FANCC: variants seen among roughly 807,000 people sequenced by gnomAD.
FANCC encodes FA complementation group C.
In FANCC, 55 loss-of-function variants were observed where a neutral mutation model predicts 71.3. The observed-to-expected ratio is 0.77, with a 90% CI of 0.62 to 0.97. The LOEUF is 0.97. FANCC is among the 50% of genes least tolerant of loss of function. The pLI is 0.00. For synonymous variants in FANCC, 275 were observed against 244.9 expected, an observed-to-expected ratio of 1.12 and a Z score of -1.15; for missense variants, 678 against 670.9, an observed-to-expected ratio of 1.01 and a Z score of -0.12.
chr9:95,254,627 G>A (rs1013966788), intron 1 of FANCC, among the ~76,000 whole-genome samples: 77 of 152,246 alleles, frequency 5.1e-4, no homozygotes, highest in African/African-American at 1.7e-3. Flanking sequence ...CCAGGGCCCT[G>A]GGTTTTAAGC....
At chr9:95,129,010 C>A (rs980277005) in intron 8 of FANCC, among the ~76,000 whole-genome samples, 1 of 151,836 alleles carries the variant, frequency 6.6e-6, no homozygotes, top group Non-Finnish European at 1.5e-5. Context: ...TCAAAAGATT[C>A]TCCTGCCTTA....
intron 4 of FANCC, among the ~76,000 whole-genome samples, chr9:95,222,475 G>A (rs1436402824): frequency 1.3e-5 from 2 of 152,146 alleles, no homozygotes; most frequent in Non-Finnish European, 2.9e-5. Flanking sequence ...GTGGCTAACT[G>A]AGACCAGAGT....
chr9:95,177,378 A>G (rs1470849591), intron 4 of FANCC, among the ~76,000 whole-genome samples: 1 of 152,218 alleles, frequency 6.6e-6, no homozygotes, highest in East Asian at 1.9e-4. Context: ...GCTCTGGGTG[A>G]GTAAATGGGG....
rs2071089656 is a variant in FANCC at position 95,101,848 on chromosome 9, C to T, written c.1536G>A (p.Met512Ile). 6.2e-7 allele frequency: 1 copy of T among 1,613,818 alleles called. No individual in the cohort carries two copies. Among genetic ancestry groups the T allele is most frequent in the South Asian group, 1.1e-5 (1 of 91,084 alleles). The change falls in exon 15 of 15, where the codon ATG becomes ATA. Residue 512 changes from methionine to isoleucine, a missense_variant and splice_region_variant. Coordinates refer to ENST00000289081, the MANE Select transcript of FANCC (RefSeq NM_000136.3). The part of the protein sequence containing the change: ...HTIAWDVITL[M>I]AHTAEITHEI... ...CGTGAGTTATCTCAGCAGTGTGAGC[C>T]ATCTGCAATCAGGACAGAAGAGAAG...
At chr9:95,294,551 C>A in intron 1 of FANCC, 1 of 1,543,022 alleles carries the variant, frequency 6.5e-7, no homozygotes, top group East Asian at 2.2e-5. Flanking sequence ...TCATCTGACA[C>A]AGAGACACAA....
At chr9:95,280,607 G>A (rs1228977019) in intron 1 of FANCC, among the ~76,000 whole-genome samples, 1 of 152,100 alleles carries the variant, frequency 6.6e-6, no homozygotes. Flanking sequence ...AATAAATGCA[G>A]GAAGTTTCAA....
At chr9:95,105,059 G>C (rs979167607) in intron 14 of FANCC, among the ~76,000 whole-genome samples, 2 of 152,232 alleles carry the variant, frequency 1.3e-5, no homozygotes, top group African/African-American at 4.8e-5. Flanking sequence ...CATTCTCGCT[G>C]TGCTGGGGCC....
At chr9:95,293,182 C>A in intron 1 of FANCC, 1 of 1,612,352 alleles carries the variant, frequency 6.2e-7, no homozygotes, top group Non-Finnish European at 8.5e-7. Context: ...CAAGCAGACT[C>A]TTTCTTACAA....
Position 95,125,151 on chromosome 9 carries a change from T to C in FANCC, c.931A>G (p.Ile311Val), listed in dbSNP as rs764937307. ...GTAAACACCTGAATAGTGGCTATGATTTCCAGGGCCCCATCGGTTTCCAGG... is the reference window on the plus strand; with the variant it reads ...GTAAACACCTGAATAGTGGCTATGACTTCCAGGGCCCCATCGGTTTCCAGG... ...ALLETDGALE[I>V]IATIQVFTQC... Residue 311 changes from isoleucine (I) to valine (V), a missense_variant, in exon 10 of 15, where the codon ATC (isoleucine) becomes GTC (valine). Transcript: ENST00000289081. 6.2e-7 allele frequency: 1 copy of C among 1,614,206 alleles called. No individual in the cohort carries two copies. Among genetic ancestry groups the C allele is most frequent in the Non-Finnish European group, 8.5e-7 (1 of 1,180,032 alleles).
At chr9:95,244,499 GA>G in intron 3 of FANCC, among the ~76,000 whole-genome samples, 1 of 151,968 alleles carries the variant, frequency 6.6e-6, no homozygotes, top group Non-Finnish European at 1.5e-5. Context: ...CTAACACGGT[GA>G]AACCCCATCT....
Position 95,277,412 on chromosome 9 carries a change from G to A in FANCC, c.-78-28043C>T, listed in dbSNP as rs544435638. 3.3e-5 allele frequency among the ~76,000 whole-genome samples: 5 copies of A among 152,274 alleles called. No individual in the cohort carries two copies. The South Asian group carries it at 6.2e-4, about 19-fold the overall frequency. On this transcript the variant is annotated intron_variant, in intron 1 of 14. Coordinates refer to ENST00000289081, the MANE Select transcript of FANCC (RefSeq NM_000136.3). ...AAACAATGTTTCAGATGACGGATAT[G>A]CTAATCATCCTAATTTGATCAGTAC...
chr9:95,308,306 G>A (rs557278667), intron 1 of FANCC, among the ~76,000 whole-genome samples: 7 of 151,294 alleles, frequency 4.6e-5, no homozygotes, highest in Non-Finnish European at 8.8e-5. Context: ...GTGCAGTGGT[G>A]CAATCACAGA....
At chr9:95,110,451 G>A (rs1436381369) in intron 13 of FANCC, 3 of 1,027,596 alleles carry the variant, frequency 2.9e-6, no homozygotes, top group East Asian at 1.3e-4. Flanking sequence ...CTTTTAAAGG[G>A]GAAGAAATAA....
chr9:95,111,989 A>G (rs1416490489), intron 12 of FANCC, among the ~76,000 whole-genome samples: 1 of 152,162 alleles, frequency 6.6e-6, no homozygotes, highest in Admixed American at 6.6e-5. Flanking sequence ...GCCTTCTGAG[A>G]TGGGGAGAAA....
chr9:95,270,236 T>A (rs968951678), intron 1 of FANCC, among the ~76,000 whole-genome samples: 10 of 152,284 alleles, frequency 6.6e-5, no homozygotes. Context: ...AAGCTGCAGC[T>A]TTTGTTTATG....
rs2071077812 is a variant in FANCC at position 95,101,643 on chromosome 9, C to G, written c.*64G>C. 6.3e-7 allele frequency: 1 copy of G among 1,597,756 alleles called. No individual in the cohort carries two copies. The highest frequency in any genetic ancestry group is 8.5e-7 in the Non-Finnish European group (1 of 1,170,150). On this transcript the variant is annotated 3_prime_UTR_variant, in exon 15 of 15. Coordinates refer to ENST00000289081, the MANE Select transcript of FANCC (RefSeq NM_000136.3). Reference sequence around the variant, plus strand: ...ACAAATGCGTGGCCACAGGTCATCACCTGTCCTGTGGCCCTGGCGAGCCTG... The same window carrying G: ...ACAAATGCGTGGCCACAGGTCATCAGCTGTCCTGTGGCCCTGGCGAGCCTG...
intron 1 of FANCC, among the ~76,000 whole-genome samples, chr9:95,286,086 T>C (rs1833670855): frequency 1.3e-5 from 2 of 152,226 alleles, no homozygotes; most frequent in Admixed American, 6.5e-5. Context: ...AAAAGCTATA[T>C]ACAATATGAT....
intron 1 of FANCC, among the ~76,000 whole-genome samples, chr9:95,268,486 T>C (rs1297231299): frequency 6.6e-6 from 1 of 152,242 alleles, no homozygotes; most frequent in Non-Finnish European, 1.5e-5. Context: ...CTCTACTACA[T>C]ATTTATTTCT....
At chr9:95,137,386 G>A (rs1411505573) in intron 7 of FANCC, among the ~76,000 whole-genome samples, 1 of 152,040 alleles carries the variant, frequency 6.6e-6, no homozygotes, top group Non-Finnish European at 1.5e-5. Context: ...AAGGGAGAAG[G>A]GAGGGAGGGT....
Sources: gnomAD v4.1 joint callset for allele counts (sites outside exome capture counted in the v4.1 genomes callset) on GRCh38, gnomAD v4.1.1 for gene constraint, MANE v1.5 for transcripts, NCBI Gene and HGNC (gene_info 2026-07-23, HGNC 2026-07-21) for gene names.